The following DPYSL3 variants were observed in gnomAD, a reference collection of about 807,000 sequenced individuals.
The protein encoded by DPYSL3 is dihydropyrimidinase-related protein 3.
A neutral mutation model predicts 66.1 loss-of-function variants in DPYSL3; 16 were observed. The ratio of observed to expected loss-of-function variants is 0.24; its 90% confidence interval spans 0.16 to 0.37. DPYSL3 has a LOEUF of 0.37. Among genes scored for constraint, DPYSL3 ranks in the 10% least tolerant of loss-of-function variants. The pLI is 1.00. For missense variants in DPYSL3, 738 were observed against 916.2 expected (o/e 0.81, Z 2.51); for synonymous variants, 338 against 345.1 (o/e 0.98, Z 0.23).
intron 1 of DPYSL3, among the ~76,000 whole-genome samples, chr5:147,478,342 T>C (rs1249181632): frequency 6.6e-6 from 1 of 152,186 alleles, no homozygotes; most frequent in East Asian, 1.9e-4. Flanking sequence ...ATTGCCTCTG[T>C]CAACAAAAAA....
intron 1 of DPYSL3, among the ~76,000 whole-genome samples, chr5:147,463,849 C>G (rs901342038): frequency 1.3e-5 from 2 of 152,102 alleles, no homozygotes; most frequent in African/African-American, 2.4e-5. Context: ...ACACTGGGCC[C>G]CTTTCATACT....
rs547949335 is a variant in DPYSL3, at chr5:147,422,110, G to C, written c.470+2765C>G. On this transcript the variant is annotated intron_variant, in intron 2 of 13. Coordinates refer to ENST00000343218, the MANE Select transcript of DPYSL3 (RefSeq NM_001197294.2). ...TTTGCAATCTATCCATCTGACAAAGGGGTAATACCCAGAATCTACAAGGAA... is the reference window on the plus strand; with the variant it reads ...TTTGCAATCTATCCATCTGACAAAGCGGTAATACCCAGAATCTACAAGGAA... Among the ~76,000 whole-genome samples, 8 of 152,054 alleles carry C rather than the reference G, an allele frequency of 5.3e-5. No individual in the cohort carries two copies. In the East Asian group the frequency reaches 1.5e-3, roughly 29 times the overall value.
Position 147,509,593 on chromosome 5 carries a change from C to T in DPYSL3, c.266G>A (p.Gly89Asp), listed in dbSNP as rs996401526. The T allele has an allele frequency of 1.5e-5, 23 of 1,535,354 alleles. No homozygotes were observed. The highest frequency in any genetic ancestry group is 2.7e-5 in the African/African-American group (2 of 73,032). Reference sequence around the variant, plus strand: ...CTCCCTGCTCTCTTCCCGGCCTTGGCCCCTGCGCGGGGTGTCCCCCTCGAT... The same window carrying T: ...CTCCCTGCTCTCTTCCCGGCCTTGGTCCCTGCGCGGGGTGTCCCCCTCGAT... The part of the protein sequence containing the change: ...PGIEGDTPRR[G>D]QGREESREPA... The change falls in exon 1 of 14, where the codon GGC becomes GAC. Residue 89 changes from glycine (G) to aspartate (D), a missense_variant. Gly to Asp is a moderately conservative substitution (Grantham distance 94). Coordinates refer to ENST00000343218, the MANE Select transcript of DPYSL3 (RefSeq NM_001197294.2). The surrounding 1 kb of genome is among the most constrained non-coding windows in gnomAD (Gnocchi z 5.3).
intron 1 of DPYSL3, among the ~76,000 whole-genome samples, chr5:147,489,127 G>A (rs1021525273): frequency 1.3e-5 from 2 of 152,076 alleles, no homozygotes. Context: ...CTATCTCCTG[G>A]TGTCTTTCTA....
chr5:147,494,880 A>AAATAATAATAAT (rs34805887), intron 1 of DPYSL3, among the ~76,000 whole-genome samples: 9,276 of 142,356 alleles, frequency 0.065, 366 homozygotes, highest in Middle Eastern at 0.13. Flanking sequence ...CTCCATCTCA[A>AAATAATAATAAT]AATAATAATA....
chr5:147,448,080 A>C (rs949259088), intron 1 of DPYSL3, among the ~76,000 whole-genome samples: 49 of 152,090 alleles, frequency 3.2e-4, no homozygotes, highest in African/African-American at 1.2e-3. Context: ...TTAGGACAGG[A>C]GGGGTTTTTT....
intron 6 of DPYSL3, among the ~76,000 whole-genome samples, chr5:147,412,288 A>G (rs1163445482): frequency 6.6e-6 from 1 of 152,164 alleles, no homozygotes; most frequent in African/African-American, 2.4e-5. Context: ...GCTTTGACAC[A>G]TTTTCAGAAG....
At position 147,401,639 on chromosome 5, in the gene DPYSL3, T is replaced by C. The variant is rs1758183675; in HGVS notation, c.1211A>G (p.Tyr404Cys). ...CGCCTTGGCCCAGTTCTTGCTCCAA[T>C]AATGGGTTCCATCTATGCCGAGGCT... is the stretch of plus-strand genomic sequence containing the variant. ...TASLGIDGTHYWSKNWAKAAA... is the reference protein window; with the variant it reads ...TASLGIDGTHCWSKNWAKAAA... The change falls in exon 9 of 14, where the codon TAT becomes TGT. Residue 404 changes from tyrosine (Y) to cysteine (C), a missense_variant. Tyr to Cys is a radical substitution (Grantham distance 194). Coordinates refer to ENST00000343218, the MANE Select transcript of DPYSL3 (RefSeq NM_001197294.2). 4.3e-6 allele frequency: 7 copies of C among 1,614,168 alleles called. No individual in the cohort carries two copies. The highest frequency in any genetic ancestry group is 5.9e-6 in the Non-Finnish European group (7 of 1,180,026).
At chr5:147,449,685 C>G (rs1290080906) in intron 1 of DPYSL3, among the ~76,000 whole-genome samples, 1 of 152,218 alleles carries the variant, frequency 6.6e-6, no homozygotes, top group African/African-American at 2.4e-5. Flanking sequence ...TTCACCTAAC[C>G]ATATTTCAAT....
chr5:147,430,142 GC>G (rs1456409159), intron 1 of DPYSL3, among the ~76,000 whole-genome samples: 2 of 151,868 alleles, frequency 1.3e-5, no homozygotes, highest in Non-Finnish European at 2.9e-5. Flanking sequence ...GAGAGAGAAA[GC>G]AAAAGAGAGG....
chr5:147,468,526 T>C (rs534111531), intron 1 of DPYSL3, among the ~76,000 whole-genome samples: 104 of 152,164 alleles, frequency 6.8e-4, no homozygotes, highest in Non-Finnish European at 1.3e-3. Flanking sequence ...TGCAGAGAAC[T>C]TCTTGTAATA....
At position 147,401,463 on chromosome 5, in the gene DPYSL3, G is replaced by GCT. The variant is rs898198470; in HGVS notation, c.1310+75_1310+76dup. On this transcript the variant is annotated intron_variant, in intron 9 of 13. Transcript: ENST00000343218. ...TCTGGTCAAGTTTATAGATGGGACT[G>GCT]CTCCTGTCCTCAACCCCCAGCTGGA... The GCT allele has an allele frequency of 6.1e-6, 9 of 1,474,840 alleles. No individual in the cohort carries two copies. The African/African-American group carries it at 1.3e-4, about 21-fold the overall frequency. The allele number at this position is 1,474,840 out of a possible 1,614,324, so 91.4% of individuals were successfully genotyped here. A position where few individuals can be genotyped will look rare whatever the true frequency, so the allele number is the denominator to read the frequency against.
Position 147,509,916 on chromosome 5 carries a change from C to T in DPYSL3, c.-58G>A. The T allele has an allele frequency of 6.9e-7, 1 of 1,456,104 alleles. No individual in the cohort carries two copies. Among genetic ancestry groups the T allele is most frequent in the East Asian group, 2.5e-5 (1 of 39,924 alleles). 90.2% of individuals were successfully genotyped at this position (1,456,104 alleles called of 1,614,324 possible). On this transcript the variant is annotated 5_prime_UTR_variant, in exon 1 of 14. Coordinates refer to ENST00000343218, the MANE Select transcript of DPYSL3 (RefSeq NM_001197294.2). The surrounding 1 kb of genome is among the most constrained non-coding windows in gnomAD (Gnocchi z 5.3). ...CTTCCCCAGAGGCGGAAAGGGCAGCCGCCGGCAGCGTGCGCCGAGCCACAG... is the reference window on the plus strand; with the variant it reads ...CTTCCCCAGAGGCGGAAAGGGCAGCTGCCGGCAGCGTGCGCCGAGCCACAG...
intron 1 of DPYSL3, among the ~76,000 whole-genome samples, chr5:147,494,736 G>A (rs944868756): frequency 1.3e-4 from 19 of 147,222 alleles, no homozygotes; most frequent in African/African-American, 2.5e-4. Flanking sequence ...AAAATTAGCC[G>A]GGCATGGTGA....
At chr5:147,416,600 A>G (rs1244048010) in intron 3 of DPYSL3, among the ~76,000 whole-genome samples, 1 of 152,208 alleles carries the variant, frequency 6.6e-6, no homozygotes, top group East Asian at 1.9e-4. Flanking sequence ...GCTGAGGCAA[A>G]GTACAAGTAA....
In DPYSL3 at chr5:147,509,075, C is replaced by G. The variant is rs558517960; in HGVS notation, c.381+403G>C. On this transcript the variant is annotated intron_variant, in intron 1 of 13. Transcript: ENST00000343218. This position sits in a 1 kb window ranked among gnomAD's most constrained non-coding sequence, Gnocchi z 5.3. ...CACTTTGCCCTCTGCCGTGGTGACC[C>G]GGGTTGAGATTTAATCTAGGGCCAG... is the stretch of plus-strand genomic sequence containing the variant. 1.4e-4 allele frequency among the ~76,000 whole-genome samples: 21 copies of G among 152,218 alleles called. No homozygotes were observed. Among genetic ancestry groups the G allele is most frequent in the Non-Finnish European group, 2.5e-4 (17 of 68,008 alleles).
rs578093524 is a variant in DPYSL3 at position 147,507,330 on chromosome 5, G to T, written c.381+2148C>A. Among the ~76,000 whole-genome samples, 10 of 150,486 alleles carry T rather than the reference G, an allele frequency of 6.6e-5. No homozygotes were observed. The East Asian group carries it at 1.8e-3, about 26-fold the overall frequency. On this transcript the variant is annotated intron_variant, in intron 1 of 13. Transcript: ENST00000343218. Reference sequence around the variant, plus strand: ...AATTTGTAGAAACTACAGGTAGGTAGATTTGGGCTTAATTTTTTTTTTTTT... The same window carrying T: ...AATTTGTAGAAACTACAGGTAGGTATATTTGGGCTTAATTTTTTTTTTTTT...
chr5:147,402,853 G>A (rs1209286221), intron 8 of DPYSL3, among the ~76,000 whole-genome samples: 2 of 152,150 alleles, frequency 1.3e-5, no homozygotes, highest in Non-Finnish European at 1.5e-5. Flanking sequence ...TAAGAAGAAG[G>A]AATAGTGATA....
intron 1 of DPYSL3, among the ~76,000 whole-genome samples, chr5:147,441,846 C>T (rs142331268): frequency 2.7e-4 from 41 of 152,192 alleles, no homozygotes; most frequent in African/African-American, 9.4e-4. Context: ...TGAGATAGAG[C>T]ATGCAATGAA....
Sources: gnomAD v4.1 joint callset for allele counts (sites outside exome capture counted in the v4.1 genomes callset) on GRCh38, gnomAD v4.1.1 for gene constraint, Gnocchi (gnomAD v3.1) non-coding constraint, MANE v1.5 for transcripts, NCBI Gene and HGNC (gene_info 2026-07-23, HGNC 2026-07-21) for gene names.